CALN1: variants seen among roughly 807,000 people sequenced by gnomAD.
CALN1 encodes calneuron 1, also known as calcium-binding protein 8.
In CALN1, 17 loss-of-function variants were observed where a neutral mutation model predicts 30.6. The observed-to-expected ratio is 0.56, with a 90% CI of 0.38 to 0.83. The LOEUF (loss-of-function observed/expected upper bound fraction) is 0.83. CALN1 is among the 40% of genes least tolerant of loss of function. CALN1 has a pLI of 0.00. For synonymous variants in CALN1, 156 were observed against 131.4 expected, an observed-to-expected ratio of 1.19 and a Z score of -1.28; for missense variants, 291 against 354.9, an observed-to-expected ratio of 0.82 and a Z score of 1.45.
chr7:72,041,284 G>A (rs1265889274), intron 4 of CALN1, among the ~76,000 whole-genome samples: 3 of 152,178 alleles, frequency 2.0e-5, no homozygotes, highest in East Asian at 3.9e-4. Flanking sequence ...GGCCAAGTAG[G>A]ATGAAGACTG....
chr7:72,015,903 C>T lies in CALN1; in HGVS notation c.501+7754G>A, dbSNP rs113339351. Among the ~76,000 whole-genome samples the T allele has an allele frequency of 7.5e-3, 1,137 of 152,154 alleles. 16 individuals carry two copies. Among genetic ancestry groups the T allele is most frequent in the African/African-American group, 0.026 (1,092 of 41,520 alleles). On this transcript the variant is annotated intron_variant, in intron 5 of 6. Transcript: ENST00000395275. ...AAGGCTTGCTGTCAGTCTAGCAGGC[C>T]TTGATATAGACATCACTGCTGAAAA...
At chr7:71,950,698 A>AG (rs1796645693) in intron 5 of CALN1, among the ~76,000 whole-genome samples, 2 of 152,154 alleles carry the variant, frequency 1.3e-5, no homozygotes, top group Admixed American at 6.6e-5. Context: ...TTAAACTTAA[A>AG]GCTGCTTCAG....
intron 5 of CALN1, among the ~76,000 whole-genome samples, chr7:71,930,739 C>T (rs923945662): frequency 3.3e-5 from 5 of 152,198 alleles, no homozygotes; most frequent in Admixed American, 2.6e-4. Context: ...CAACTTCATT[C>T]TCTCGCGTGT....
chr7:72,205,734 A>G lies in CALN1; in HGVS notation c.244+72952T>C, dbSNP rs574200231. Among the ~76,000 whole-genome samples, 7 of 151,280 alleles carry G rather than the reference A, an allele frequency of 4.6e-5. No individual in the cohort carries two copies. The South Asian group carries it at 1.3e-3, about 27-fold the overall frequency. On this transcript the variant is annotated intron_variant, in intron 3 of 6. Transcript: ENST00000395275. ...TTATACCTTATGACTTTGGGGTTAA[A>G]CTTGAAAAAGCATTCCCAAATTCAA...
intron 3 of CALN1, among the ~76,000 whole-genome samples, chr7:72,110,324 G>C (rs1447989202): frequency 6.6e-6 from 1 of 152,110 alleles, no homozygotes; most frequent in African/African-American, 2.4e-5. Flanking sequence ...CCACCTTTGG[G>C]GCTACTGGAT....
chr7:72,439,007 CT>C (rs1808262482), intron 1 of CALN1, among the ~76,000 whole-genome samples: 1 of 152,158 alleles, frequency 6.6e-6, no homozygotes, highest in Non-Finnish European at 1.5e-5. Flanking sequence ...GCTGCTCCCC[CT>C]ACCCCATGCA....
Position 71,788,812 on chromosome 7 carries a change from C to T in CALN1, c.659-910G>A, listed in dbSNP as rs573580296. Among the ~76,000 whole-genome samples, 3 of 152,160 alleles carry T rather than the reference C, an allele frequency of 2.0e-5. No homozygotes were observed. In the South Asian group the frequency reaches 6.2e-4, roughly 32 times the overall value. On this transcript the variant is annotated intron_variant, in intron 6 of 6. Coordinates refer to ENST00000395275, the MANE Select transcript of CALN1 (RefSeq NM_031468.4). The stretch of plus-strand genomic sequence containing the variant: ...AGCTGGGACTATAGGCGCCCGCCAC[C>T]ATGCCCGGCTAATTTTTTGTATTTT...
At chr7:72,410,363 T>TA (rs1202905121) in intron 1 of CALN1, among the ~76,000 whole-genome samples, 1 of 152,194 alleles carries the variant, frequency 6.6e-6, no homozygotes. Flanking sequence ...AAAAGAAATC[T>TA]AAAACTGCCA....
intron 5 of CALN1, among the ~76,000 whole-genome samples, chr7:71,988,160 T>C (rs1798772449): frequency 6.6e-6 from 1 of 152,220 alleles, no homozygotes; most frequent in Non-Finnish European, 1.5e-5. Flanking sequence ...GTACTTGTCA[T>C]GTGTCAGGAA....
At chr7:72,056,918 G>A (rs1803291603) in intron 4 of CALN1, among the ~76,000 whole-genome samples, 1 of 152,008 alleles carries the variant, frequency 6.6e-6, no homozygotes, top group African/African-American at 2.4e-5. Context: ...AGTATGCAAT[G>A]TTATTTCATT....
intron 2 of CALN1, among the ~76,000 whole-genome samples, chr7:72,382,405 G>A (rs6960635): frequency 0.014 from 2,058 of 152,304 alleles, 60 homozygotes; most frequent in African/African-American, 0.047. Context: ...AGTTCCCAAA[G>A]AGTGAGTGAC....
In CALN1 at chr7:71,823,398, A is replaced by G. The variant is rs186362311; in HGVS notation, c.502-12906T>C. On this transcript the variant is annotated intron_variant, in intron 5 of 6. Transcript: ENST00000395275. ...CTGTTCTCACGCTGCAAATAAAGAC[A>G]TACCCGACCCTGGGTAATTTATAAA... Among the ~76,000 whole-genome samples, 776 of 152,272 alleles carry G rather than the reference A, an allele frequency of 5.1e-3. 4 individuals carry two copies. The highest frequency in any genetic ancestry group is 0.017 in the African/African-American group (696 of 41,572).
chr7:72,225,218 C>T (rs1476633860), intron 3 of CALN1, among the ~76,000 whole-genome samples: 2 of 152,064 alleles, frequency 1.3e-5, no homozygotes, highest in Admixed American at 1.3e-4. Flanking sequence ...AGGCCGGGCT[C>T]GGCTTTCACG....
intron 3 of CALN1, among the ~76,000 whole-genome samples, chr7:72,254,753 T>C (rs1018560496): frequency 4.6e-5 from 7 of 152,106 alleles, no homozygotes; most frequent in Non-Finnish European, 1.0e-4. Context: ...CTCACTTACA[T>C]AAATATTCTT....
chr7:71,933,106 CA>C (rs1795645853), intron 5 of CALN1, among the ~76,000 whole-genome samples: 2 of 103,466 alleles, frequency 1.9e-5, no homozygotes, highest in Admixed American at 2.0e-4. Flanking sequence ...TAGAAGCTTG[CA>C]TGGGTGAATG....
chr7:72,324,893 T>A (rs908882518), intron 2 of CALN1, among the ~76,000 whole-genome samples: 1 of 152,202 alleles, frequency 6.6e-6, no homozygotes, highest in African/African-American at 2.4e-5. Flanking sequence ...CTCAAATTTT[T>A]CCCTGTTGCC....
chr7:72,090,335 T>C (rs1449065047), intron 4 of CALN1, among the ~76,000 whole-genome samples: 1 of 152,126 alleles, frequency 6.6e-6, no homozygotes, highest in Non-Finnish European at 1.5e-5. Flanking sequence ...ACTAGAAACT[T>C]AAAAATCCCA....
intron 6 of CALN1, among the ~76,000 whole-genome samples, chr7:71,806,266 A>G (rs188682959): frequency 8.8e-5 from 9 of 102,832 alleles, no homozygotes; most frequent in South Asian, 3.2e-4. Context: ...ACACACACAC[A>G]CACAAACACA....
intron 5 of CALN1, among the ~76,000 whole-genome samples, chr7:71,961,137 T>G (rs1448065761): frequency 6.6e-6 from 1 of 152,182 alleles, no homozygotes; most frequent in Non-Finnish European, 1.5e-5. Context: ...TAAATGAATT[T>G]CACATAATCA....
Sources: gnomAD v4.1 joint callset for allele counts (sites outside exome capture counted in the v4.1 genomes callset) on GRCh38, gnomAD v4.1.1 for gene constraint, MANE v1.5 for transcripts, NCBI Gene and HGNC (gene_info 2026-07-23, HGNC 2026-07-21) for gene names.